SRP54: variants seen among roughly 807,000 people sequenced by gnomAD.
SRP54 encodes the protein signal recognition particle 54.
In SRP54, 10 loss-of-function variants were observed where a neutral mutation model predicts 64.8. The observed-to-expected ratio is 0.15, with a 90% confidence interval of 0.10 to 0.26. SRP54 has a LOEUF of 0.26. Among genes scored for constraint, SRP54 ranks in the 10% least tolerant of loss-of-function variants. The probability of loss-of-function intolerance (pLI) is 1.00; values close to 1 mark genes in which losing one functional copy is unlikely to be tolerated. For synonymous variants in SRP54, 193 were observed against 185.6 expected (o/e 1.04, Z -0.32); for missense variants, 325 against 613.7 (o/e 0.53, Z 4.97).
intron 15 of SRP54, 126 bp from the exon 16 acceptor site, chr14:35,028,935 C>A: frequency 1.4e-6 from 1 of 700,242 alleles, no homozygotes; most frequent in Non-Finnish European, 2.4e-6. Flanking sequence ...TTCTTTAAGG[C>A]TGATGACTAA....
Position 35,011,642 on chromosome 14 carries a change from C to A in SRP54, c.619C>A (p.Gln207Lys). Residue 207 changes from glutamine (Q) to lysine (K), a missense_variant, in exon 8 of 16, where the codon CAA becomes AAA. Gln to Lys is a moderately conservative substitution (Grantham distance 53). Coordinates refer to ENST00000216774, the MANE Select transcript of SRP54 (RefSeq NM_003136.4). The part of the protein sequence containing the change: ...QEDSLFEEML[Q>K]VANAIQPDNI... ...AGACTCTTTGTTTGAAGAAATGCTT[C>A]AAGTTGCTAATGCTATAGTAAGTAG... 1 of 1,577,284 alleles carries A rather than the reference C, an allele frequency of 6.3e-7. No homozygotes were observed.
chr14:35,018,802 T>TTCATTAAATTTTCTA, intron 12 of SRP54, 37 bp downstream of exon 12: 1 of 1,566,222 alleles, frequency 6.4e-7, no homozygotes, highest in Non-Finnish European at 8.7e-7. Context: ...TTCTTTTGTT[T>TTCATTAAATTTTCTA]TCATTAAATT....
intron 1 of SRP54, among the ~76,000 whole-genome samples, chr14:34,996,138 T>C (rs1438981280): frequency 6.6e-6 from 1 of 152,134 alleles, no homozygotes; most frequent in African/African-American, 2.4e-5. Flanking sequence ...AAATAATGTA[T>C]GTGGAATCAC....
At chr14:35,012,434 T>C (rs555709853) in intron 8 of SRP54, among the ~76,000 whole-genome samples, 2 of 152,236 alleles carry the variant, frequency 1.3e-5, no homozygotes, top group South Asian at 2.1e-4. Context: ...GTCTTGACAT[T>C]GGAGTGTTAG....
chr14:35,016,117 T>C (rs560758542), intron 11 of SRP54, among the ~76,000 whole-genome samples: 1 of 152,304 alleles, frequency 6.6e-6, no homozygotes, highest in South Asian at 2.1e-4. Flanking sequence ...CATCCCCTTC[T>C]CTGTAGCTGC....
intron 1 of SRP54, among the ~76,000 whole-genome samples, chr14:34,996,311 C>T (rs1309481070): frequency 6.6e-6 from 1 of 151,884 alleles, no homozygotes; most frequent in Non-Finnish European, 1.5e-5. Flanking sequence ...GAGATTTCAC[C>T]TTTTTCTCCT....
At chr14:35,027,549 T>G (rs1404315417) in intron 14 of SRP54, among the ~76,000 whole-genome samples, 1 of 151,984 alleles carries the variant, frequency 6.6e-6, no homozygotes, top group Non-Finnish European at 1.5e-5. Context: ...CGAGGTCAGG[T>G]GTTTGAGACC....
chr14:34,994,413 T>C (rs2044033496), intron 1 of SRP54, among the ~76,000 whole-genome samples: 1 of 152,202 alleles, frequency 6.6e-6, no homozygotes, highest in East Asian at 1.9e-4. Flanking sequence ...AACAGTTGTT[T>C]TGAAGAGTTA....
chr14:34,987,769 T>C (rs1004589440), intron 1 of SRP54, among the ~76,000 whole-genome samples: 2 of 152,186 alleles, frequency 1.3e-5, no homozygotes, highest in Admixed American at 1.3e-4. Flanking sequence ...GATGATATCT[T>C]ATTAAGATTT....
intron 1 of SRP54, among the ~76,000 whole-genome samples, chr14:34,995,742 T>C (rs1266732987): frequency 6.6e-6 from 1 of 152,202 alleles, no homozygotes; most frequent in Non-Finnish European, 1.5e-5. Flanking sequence ...CAGAATTTTA[T>C]TTTCGGTTCC....
chr14:35,008,136 A>C (rs1389296034), intron 5 of SRP54, among the ~76,000 whole-genome samples: 2 of 152,068 alleles, frequency 1.3e-5, no homozygotes, highest in Non-Finnish European at 2.9e-5. Flanking sequence ...TTTTAGACAG[A>C]GTCTTACTTT....
chr14:35,014,060 C>T (rs2044397831), intron 10 of SRP54, among the ~76,000 whole-genome samples, 158 bp downstream of exon 10: 1 of 151,806 alleles, frequency 6.6e-6, no homozygotes, highest in Admixed American at 6.6e-5. Flanking sequence ...GGTTATCTGC[C>T]CTCTGTGGTG....
At position 35,011,424 on chromosome 14, in the gene SRP54, A is replaced by G. The variant is rs1256938845; in HGVS notation, c.486-85A>G. On this transcript the variant is annotated intron_variant, in intron 7 of 15. Coordinates refer to ENST00000216774, the MANE Select transcript of SRP54 (RefSeq NM_003136.4). ...TTGGGGTCATTTTGGCTTTTTCAAA[A>G]TAGATTATAGGTAAATTAACTTTCC... 23 of 1,159,110 alleles carry G rather than the reference A, an allele frequency of 2.0e-5. No homozygotes were observed. The East Asian group carries it at 5.9e-4, about 30-fold the overall frequency. The allele number at this position is 1,159,110 out of a possible 1,614,324, so 71.8% of individuals were successfully genotyped here. A position where few individuals can be genotyped will look rare whatever the true frequency, so the allele number is the denominator to read the frequency against.
chr14:34,992,743 G>A (rs2044000486), intron 1 of SRP54, among the ~76,000 whole-genome samples: 1 of 151,980 alleles, frequency 6.6e-6, no homozygotes, highest in Admixed American at 6.6e-5. Flanking sequence ...CCATTACACA[G>A]TATACCAGTG....
At chr14:34,986,740 G>A (rs371208469) in intron 1 of SRP54, among the ~76,000 whole-genome samples, 3 of 151,950 alleles carry the variant, frequency 2.0e-5, no homozygotes, top group East Asian at 3.9e-4. Context: ...TTAGCTGGGT[G>A]TGGTGGCAGG....
At chr14:35,003,250 A>G (rs1356319793) in intron 4 of SRP54, among the ~76,000 whole-genome samples, 2 of 152,194 alleles carry the variant, frequency 1.3e-5, no homozygotes, top group African/African-American at 2.4e-5. Flanking sequence ...AATTATTTTC[A>G]TAATACTAAG....
intron 14 of SRP54, among the ~76,000 whole-genome samples, chr14:35,026,161 CTATT>C (rs1422920934): frequency 4.1e-5 from 4 of 96,400 alleles, no homozygotes; most frequent in Admixed American, 1.0e-4. Context: ...GTGTTTTTAT[CTATT>C]CTGTTGTTGT....
intron 1 of SRP54, chr14:34,993,558 G>T (rs2044016601): frequency 6.6e-6 from 1 of 152,060 alleles, no homozygotes; most frequent in Non-Finnish European, 1.5e-5. Flanking sequence ...CTCAGCCTGG[G>T]ATATCTGTTT....
chr14:35,005,593 G>C (rs1027695586), intron 4 of SRP54, among the ~76,000 whole-genome samples: 4 of 151,934 alleles, frequency 2.6e-5, no homozygotes, highest in Non-Finnish European at 5.9e-5. Flanking sequence ...ACAAGATCTT[G>C]CTATGCTGCC....
Sources: gnomAD v4.1 joint callset for allele counts (sites outside exome capture counted in the v4.1 genomes callset) on GRCh38, gnomAD v4.1.1 for gene constraint, MANE v1.5 for transcripts, NCBI Gene and HGNC (gene_info 2026-07-23, HGNC 2026-07-21) for gene names.